The following CHCHD3 variants were observed in gnomAD, a reference collection of about 807,000 sequenced individuals.
CHCHD3 encodes MICOS complex subunit MIC19.
A neutral mutation model predicts 38.2 loss-of-function variants in CHCHD3; 20 were observed. The observed-to-expected ratio is 0.52, with a 90% CI of 0.37 to 0.76. The LOEUF (loss-of-function observed/expected upper bound fraction) is 0.76, where lower values mean the gene tolerates loss of function less well. Among genes scored for constraint, CHCHD3 ranks in the 30% least tolerant of loss-of-function variants. The pLI is 0.00. For synonymous variants in CHCHD3, 82 were observed against 100.0 expected (o/e 0.82, Z 1.07); for missense variants, 245 against 279.2 (o/e 0.88, Z 0.87).
Position 132,824,314 on chromosome 7 carries a change from C to CTTTTTTTTTTTTTTTTT in CHCHD3, c.524+14068_524+14084dup, listed in dbSNP as rs57262694. ...AAAAATATTCCCAAGTAGTAGAACTCTTTTTTTTTTTTTTTTTTTTTTGAG... is the reference window on the plus strand; with the variant it reads ...AAAAATATTCCCAAGTAGTAGAACTCTTTTTTTTTTTTTTTTTTTTTTTTTTTTTTTTTTTTTTTGAG... On this transcript the variant is annotated intron_variant, in intron 6 of 7. Transcript: ENST00000262570. 4.4e-5 allele frequency among the ~76,000 whole-genome samples: 4 copies of CTTTTTTTTTTTTTTTTT among 90,090 alleles called. 1 individual carries two copies. Among genetic ancestry groups the CTTTTTTTTTTTTTTTTT allele is most frequent in the African/African-American group, 8.5e-5 (2 of 23,502 alleles). 59.1% of individuals were successfully genotyped at this position (90,090 alleles called of 152,430 possible).
intron 2 of CHCHD3, among the ~76,000 whole-genome samples, chr7:133,037,251 T>C (rs1464639944): frequency 6.6e-6 from 1 of 152,138 alleles, no homozygotes; most frequent in Non-Finnish European, 1.5e-5. Flanking sequence ...AAACATGAAG[T>C]GTAGTGTGGC....
At chr7:132,973,982 C>G in intron 4 of CHCHD3, 1 of 1,287,580 alleles carries the variant, frequency 7.8e-7, no homozygotes, top group Non-Finnish European at 1.0e-6. Flanking sequence ...GGAGGCTAAG[C>G]AGTCAACACT....
chr7:132,941,963 C>T (rs1810777393), intron 4 of CHCHD3, among the ~76,000 whole-genome samples: 1 of 152,158 alleles, frequency 6.6e-6, no homozygotes, highest in South Asian at 2.1e-4. Flanking sequence ...GAAGTAAGTA[C>T]CTATGCTCAT....
chr7:132,806,974 C>T (rs1806937173), intron 6 of CHCHD3, among the ~76,000 whole-genome samples: 1 of 152,088 alleles, frequency 6.6e-6, no homozygotes, highest in African/African-American at 2.4e-5. Context: ...AGAAGGGTGT[C>T]CACAGTGAAG....
At chr7:132,799,268 TG>T (rs1050797709) in intron 6 of CHCHD3, among the ~76,000 whole-genome samples, 1 of 152,182 alleles carries the variant, frequency 6.6e-6, no homozygotes, top group Non-Finnish European at 1.5e-5. Flanking sequence ...GTTTTCACTT[TG>T]GGAAAATGCT....
chr7:132,792,553 C>T (rs1806488741), intron 7 of CHCHD3, among the ~76,000 whole-genome samples: 1 of 152,152 alleles, frequency 6.6e-6, no homozygotes, highest in Non-Finnish European at 1.5e-5. Context: ...GAGGCGAAGG[C>T]ACAAATACTG....
At chr7:133,062,959 A>G (rs1168676043) in intron 2 of CHCHD3, among the ~76,000 whole-genome samples, 1 of 152,240 alleles carries the variant, frequency 6.6e-6, no homozygotes, top group Non-Finnish European at 1.5e-5. Context: ...TCCTAGTCAC[A>G]GAAAACGATC....
At chr7:132,807,050 C>A (rs1393945874) in intron 6 of CHCHD3, among the ~76,000 whole-genome samples, 1 of 152,080 alleles carries the variant, frequency 6.6e-6, no homozygotes, top group Non-Finnish European at 1.5e-5. Flanking sequence ...GGGTGGGAAA[C>A]CTCACCAGCT....
intron 3 of CHCHD3, among the ~76,000 whole-genome samples, chr7:133,019,233 C>T (rs1235728952): frequency 6.6e-6 from 1 of 152,128 alleles, no homozygotes; most frequent in African/African-American, 2.4e-5. Flanking sequence ...CCACAAACTC[C>T]TGTTTGTTTC....
chr7:132,913,437 T>G (rs1810014590), intron 4 of CHCHD3, among the ~76,000 whole-genome samples: 1 of 151,972 alleles, frequency 6.6e-6, no homozygotes, highest in South Asian at 2.1e-4. Context: ...AGAGTCTGGG[T>G]AGGAATTCAT....
At chr7:132,899,015 A>G (rs1341952897) in intron 4 of CHCHD3, among the ~76,000 whole-genome samples, 2 of 152,142 alleles carry the variant, frequency 1.3e-5, no homozygotes, top group African/African-American at 4.8e-5. Context: ...AAGCTGAGGG[A>G]GCGGGCTCTG....
intron 2 of CHCHD3, among the ~76,000 whole-genome samples, chr7:133,046,644 C>G (rs1330280044): frequency 1.3e-5 from 2 of 152,100 alleles, no homozygotes; most frequent in African/African-American, 4.8e-5. Flanking sequence ...TCACTGCAAG[C>G]TCCAGCCTCC....
intron 3 of CHCHD3, among the ~76,000 whole-genome samples, chr7:133,001,632 C>T (rs1056744629): frequency 1.3e-5 from 2 of 152,010 alleles, no homozygotes; most frequent in African/African-American, 4.8e-5. Context: ...GCAATGGCTC[C>T]TACAAAAGAG....
chr7:132,965,924 T>G (rs1428739422), intron 4 of CHCHD3, among the ~76,000 whole-genome samples: 1 of 152,224 alleles, frequency 6.6e-6, no homozygotes, highest in Non-Finnish European at 1.5e-5. Flanking sequence ...AAACTCTAAA[T>G]GCTTTATCTA....
In CHCHD3 at chr7:133,024,038, T is replaced by C. The variant is rs113756506; in HGVS notation, c.251+508A>G. Reference sequence around the variant, plus strand: ...ATAAAATGTTAAAAAGTGGTTAACTTCAGAGGATGGAAACAGGATTTTTAT... The same window carrying C: ...ATAAAATGTTAAAAAGTGGTTAACTCCAGAGGATGGAAACAGGATTTTTAT... On this transcript the variant is annotated intron_variant, in intron 3 of 7. Transcript: ENST00000262570. 2.2e-3 allele frequency among the ~76,000 whole-genome samples: 342 copies of C among 152,344 alleles called. 2 individuals are homozygous for C. The highest frequency in any genetic ancestry group is 7.9e-3 in the African/African-American group (329 of 41,590).
At chr7:132,846,134 G>C (rs557165050) in intron 5 of CHCHD3, among the ~76,000 whole-genome samples, 3 of 152,184 alleles carry the variant, frequency 2.0e-5, no homozygotes, top group Admixed American at 2.0e-4. Flanking sequence ...CTTCTCTCAT[G>C]ATGAGAGTAT....
intron 3 of CHCHD3, 118 bp from the exon 4 acceptor site, chr7:132,975,404 T>C: frequency 1.2e-6 from 1 of 800,100 alleles, no homozygotes. Context: ...ACAGCTGAAA[T>C]CATCTTGGCC....
chr7:132,795,288 C>T (rs1303508653), intron 7 of CHCHD3, among the ~76,000 whole-genome samples: 2 of 152,206 alleles, frequency 1.3e-5, no homozygotes, highest in Non-Finnish European at 2.9e-5. Flanking sequence ...TTATTAACAG[C>T]ATATCAGAAG....
chr7:133,025,167 T>C lies in CHCHD3; in HGVS notation c.170-540A>G, dbSNP rs1009803395. On this transcript the variant is annotated intron_variant, in intron 2 of 7. Transcript: ENST00000262570. ...GAAACCCTATTTTTTGGAATACATG[T>C]CATTCAAATTCAAGTGCCAGCAACT... Among the ~76,000 whole-genome samples, 5 of 152,322 alleles carry C rather than the reference T, an allele frequency of 3.3e-5. No individual in the cohort carries two copies. The South Asian group carries it at 1.0e-3, about 32-fold the overall frequency.
Sources: allele counts gnomAD v4.1 joint callset (sites outside exome capture counted in the v4.1 genomes callset), GRCh38; gene constraint gnomAD v4.1.1; transcripts MANE v1.5; gene names NCBI Gene and HGNC (gene_info 2026-07-23, HGNC 2026-07-21).